The following GOLGA8A variants were observed in gnomAD, a reference collection of about 807,000 sequenced individuals.
GOLGA8A encodes golgin subfamily A member 8A.
In GOLGA8A, 3 loss-of-function variants were observed where a neutral mutation model predicts 22.1. The ratio of observed to expected loss-of-function variants is 0.14; its 90% CI spans 0.06 to 0.35. The LOEUF (loss-of-function observed/expected upper bound fraction) is 0.35. Ranked by LOEUF, GOLGA8A falls within the 10% of genes least tolerant of loss-of-function variation. The pLI is 1.00. For synonymous variants in GOLGA8A, 7 were observed against 91.7 expected, an observed-to-expected ratio of 0.08 and a Z score of 5.28; for missense variants, 16 against 233.2, an observed-to-expected ratio of 0.07 and a Z score of 6.07.
At chr15:34,435,285 T>C (rs1893453205) in intron 2 of GOLGA8A, 98 bp downstream of exon 2, 1 of 149,452 alleles carries the variant, frequency 6.7e-6, no homozygotes, top group African/African-American at 2.5e-5. Flanking sequence ...CCATCAACTG[T>C]TTTTCCTCTG....
intron 2 of GOLGA8A, among the ~76,000 whole-genome samples, chr15:34,432,405 C>A (rs1222966521): frequency 6.7e-6 from 1 of 148,962 alleles, no homozygotes; most frequent in Non-Finnish European, 1.5e-5. Flanking sequence ...CTCACACTCT[C>A]TCCAGCTCAG....
chr15:34,431,728 G>T (rs1265979510), intron 2 of GOLGA8A, among the ~76,000 whole-genome samples: 3 of 148,548 alleles, frequency 2.0e-5, no homozygotes, highest in African/African-American at 7.5e-5. Context: ...CCGTACACTA[G>T]TGCAGACTTT....
rs201358836 is a variant in GOLGA8A, at chr15:34,429,183, T to C, written c.-1123+6200A>G. Among the ~76,000 whole-genome samples, 104 of 147,766 alleles carry C rather than the reference T, an allele frequency of 7.0e-4. 4 individuals carry two copies. In the East Asian group the frequency reaches 0.014, roughly 19 times the overall value. ...CGCCCCTGACCGCGTCTTCCTCCCA[T>C]GCTCTGAACTGTCCACTAGGGAAGC... On this transcript the variant is annotated intron_variant, in intron 2 of 24. Coordinates refer to ENST00000359187, the MANE Select transcript of GOLGA8A (RefSeq NM_181077.5).
intron 2 of GOLGA8A, among the ~76,000 whole-genome samples, chr15:34,411,422 ATG>A (rs3053180): frequency 0.56 from 55,398 of 98,246 alleles, 17,665 homozygotes; most frequent in South Asian, 0.7. Flanking sequence ...GAATTCATGA[ATG>A]TGTGTGTGTG....
At position 34,379,696 on chromosome 15, in the gene GOLGA8A, G is replaced by A. The variant is rs1421746055; in HGVS notation, c.*1715C>T. On this transcript the variant is annotated 3_prime_UTR_variant, in exon 25 of 25. Coordinates refer to ENST00000359187, the MANE Select transcript of GOLGA8A (RefSeq NM_181077.5). ...TAACTAGAAAACTCCCCACCCCAGG[G>A]AGCACACCTACATATCTCCCTACAA... The A allele has an allele frequency of 2.6e-5, 4 of 152,584 alleles. No individual in the cohort carries two copies. The highest frequency in any genetic ancestry group is 5.9e-5 in the Non-Finnish European group (4 of 68,042). The allele number at this position is 152,584 out of a possible 1,614,324, so 9.5% of individuals were successfully genotyped here. A position where few individuals can be genotyped will look rare whatever the true frequency, so the allele number is the denominator to read the frequency against.
chr15:34,428,274 T>C (rs1457628463), intron 2 of GOLGA8A, among the ~76,000 whole-genome samples: 3 of 147,432 alleles, frequency 2.0e-5, no homozygotes, highest in Non-Finnish European at 4.5e-5. Context: ...TTCTATTTTT[T>C]TGTAGAGGTG....
In GOLGA8A at chr15:34,380,544, T is replaced by C. The variant is rs1059873; in HGVS notation, c.*867A>G. On this transcript the variant is annotated 3_prime_UTR_variant, in exon 25 of 25. Coordinates refer to ENST00000359187, the MANE Select transcript of GOLGA8A (RefSeq NM_181077.5). ...AATGCTCTAAGCTAGGAAAGGTTTT[T>C]CACACCCACAGCCAATGATGGCAGC... 14 of 152,370 alleles carry C rather than the reference T, an allele frequency of 9.2e-5. No individual in the cohort carries two copies. Among genetic ancestry groups the C allele is most frequent in the Middle Eastern group, 6.8e-3 (2 of 294 alleles). The allele number at this position is 152,370 out of a possible 1,614,324, so 9.4% of individuals were successfully genotyped here.
chr15:34,404,667 G>C (rs951021667), intron 5 of GOLGA8A, among the ~76,000 whole-genome samples: 3 of 141,758 alleles, frequency 2.1e-5, no homozygotes, highest in African/African-American at 7.7e-5. Flanking sequence ...CAAGACACTT[G>C]GGAGGGTGAG....
At position 34,428,078 on chromosome 15, in the gene GOLGA8A, C is replaced by A. The variant is rs1384616099; in HGVS notation, c.-1123+7305G>T. ...ACCCCCACATCAAATGGAGCTTTCT[C>A]TCCTTCAAATCAGACTTCTTTTTTT... is the stretch of plus-strand genomic sequence containing the variant. On this transcript the variant is annotated intron_variant, in intron 2 of 24. Coordinates refer to ENST00000359187, the MANE Select transcript of GOLGA8A (RefSeq NM_181077.5). Among the ~76,000 whole-genome samples the A allele has an allele frequency of 4.1e-5, 6 of 147,640 alleles. 1 individual carries two copies. The South Asian group carries it at 8.8e-4, about 22-fold the overall frequency.
chr15:34,421,848 C>T (rs558829925), intron 2 of GOLGA8A, among the ~76,000 whole-genome samples: 1 of 137,700 alleles, frequency 7.3e-6, no homozygotes, highest in African/African-American at 2.6e-5. Flanking sequence ...TCTTCTCCCA[C>T]CAGGGCTGGG....
intron 2 of GOLGA8A, chr15:34,420,227 T>A (rs558642829): frequency 8.2e-5 from 12 of 146,190 alleles, no homozygotes; most frequent in Admixed American, 1.4e-4. Flanking sequence ...TTTTCCTCCA[T>A]CGGGTAACCA....
rs946444291 is a variant in GOLGA8A at position 34,427,455 on chromosome 15, A to C, written c.-1123+7928T>G. Among the ~76,000 whole-genome samples, 36 of 149,034 alleles carry C rather than the reference A, an allele frequency of 2.4e-4. 3 individuals carry two copies. The highest frequency in any genetic ancestry group is 1.1e-3 in the Admixed American group (16 of 14,756). Reference sequence around the variant, plus strand: ...AAGTCCAATTGTGGGGATTTGATGTAGATGGTTCCATTTTAACTTCTTCAG... The same window carrying C: ...AAGTCCAATTGTGGGGATTTGATGTCGATGGTTCCATTTTAACTTCTTCAG... On this transcript the variant is annotated intron_variant, in intron 2 of 24. Transcript: ENST00000359187.
intron 1 of GOLGA8A, among the ~76,000 whole-genome samples, chr15:34,436,352 A>G (rs1027867799): frequency 6.7e-6 from 1 of 149,886 alleles, no homozygotes; most frequent in Non-Finnish European, 1.5e-5. Context: ...GAGGCAGTTT[A>G]GCCCAAAAAC....
intron 2 of GOLGA8A, among the ~76,000 whole-genome samples, chr15:34,434,541 C>G (rs1172257298): frequency 1.3e-5 from 2 of 148,976 alleles, no homozygotes; most frequent in Non-Finnish European, 3.0e-5. Flanking sequence ...CTGACTCAGC[C>G]TGTGCCAGCA....
intron 2 of GOLGA8A, among the ~76,000 whole-genome samples, chr15:34,428,347 A>C (rs1470824429): frequency 1.3e-5 from 2 of 148,330 alleles, no homozygotes; most frequent in African/African-American, 5.0e-5. Context: ...CTCCCTCCTC[A>C]GCCTCACAAA....
intron 2 of GOLGA8A, among the ~76,000 whole-genome samples, chr15:34,434,115 G>A (rs1035233397): frequency 5.3e-5 from 8 of 149,604 alleles, no homozygotes; most frequent in Non-Finnish European, 8.9e-5. Context: ...GGGATGGGGT[G>A]GGGACAACCC....
Position 34,435,658 on chromosome 15 carries a change from C to T in GOLGA8A, c.-1211-187G>A, listed in dbSNP as rs139859889. Among the ~76,000 whole-genome samples the T allele has an allele frequency of 4.7e-3, 703 of 148,926 alleles. 58 individuals carry two copies. Among genetic ancestry groups the T allele is most frequent in the African/African-American group, 0.015 (600 of 40,334 alleles). ...CACTCCTGCTCACACACACTCACAC[C>T]CCGTGGGACTCAGCCTGCAGCTTCT... is the stretch of plus-strand genomic sequence containing the variant. On this transcript the variant is annotated intron_variant, in intron 1 of 24. Transcript: ENST00000359187.
intron 2 of GOLGA8A, chr15:34,420,049 G>C (rs1361405445): frequency 1.3e-5 from 2 of 149,460 alleles, no homozygotes; most frequent in East Asian, 2.0e-4. Context: ...ACAACACTGT[G>C]AGTGTATTTA....
intron 2 of GOLGA8A, among the ~76,000 whole-genome samples, chr15:34,420,551 G>A (rs983235051): frequency 3.6e-5 from 5 of 137,652 alleles, no homozygotes; most frequent in African/African-American, 8.2e-5. Context: ...CTGCAAATGC[G>A]TAAGAGGATA....
Sources: gnomAD v4.1 joint callset for allele counts (sites outside exome capture counted in the v4.1 genomes callset) on GRCh38, gnomAD v4.1.1 for gene constraint, MANE v1.5 for transcripts, NCBI Gene and HGNC (gene_info 2026-07-23, HGNC 2026-07-21) for gene names.